The following SLC46A2 variants were observed in gnomAD, a reference collection of about 807,000 sequenced individuals.
SLC46A2 encodes solute carrier family 46 member 2, also known as thymic stromal co-transporter.
In SLC46A2, 25 loss-of-function variants were observed where a neutral mutation model predicts 33.1. That is an observed-to-expected ratio of 0.76 (90% CI 0.55 to 1.06). SLC46A2 has a LOEUF of 1.06. Among genes scored for constraint, SLC46A2 ranks in the 50% least tolerant of loss-of-function variants. The pLI, the probability that SLC46A2 is intolerant of heterozygous loss-of-function variation, is 0.00. For synonymous variants in SLC46A2, 254 were observed against 275.9 expected, an observed-to-expected ratio of 0.92 and a Z score of 0.79; for missense variants, 622 against 621.7, an observed-to-expected ratio of 1.00 and a Z score of 0.00.
At position 112,879,490 on chromosome 9, in the gene SLC46A2, A is replaced by G; in HGVS notation, c.*272T>C. 1 of 396,150 alleles carries G rather than the reference A, an allele frequency of 2.5e-6. No individual in the cohort carries two copies. Among genetic ancestry groups the G allele is most frequent in the Admixed American group, 3.7e-5 (1 of 27,072 alleles). The allele number at this position is 396,150 out of a possible 1,614,324, so 24.5% of individuals were successfully genotyped here. On this transcript the variant is annotated 3_prime_UTR_variant, in exon 4 of 4. Transcript: ENST00000374228. ...GACTGCTGTGTGCAGCCTGCCTGTA[A>G]CCCTTAAGGTCATGCTCTGCTGTCA...
At chr9:112,886,432 C>A in intron 3 of SLC46A2, 28 bp downstream of exon 3, 3 of 1,612,252 alleles carry the variant, frequency 1.9e-6, no homozygotes, top group Non-Finnish European at 2.5e-6. Flanking sequence ...GGTCCCAGCC[C>A]AAGCAGCAGA....
At chr9:112,889,481 G>A (rs527518235) in intron 1 of SLC46A2, 72 bp downstream of exon 1, 1 of 1,494,910 alleles carries the variant, frequency 6.7e-7, no homozygotes, top group South Asian at 1.3e-5. Flanking sequence ...CCCAGACCAT[G>A]GCATCCCTGG....
intron 3 of SLC46A2, chr9:112,880,592 C>T (rs1451780244): frequency 6.5e-6 from 1 of 153,184 alleles, no homozygotes; most frequent in Non-Finnish European, 1.5e-5. Flanking sequence ...CCCAACCTCC[C>T]TGGTAGGTGG....
At chr9:112,883,898 T>C (rs1255923410) in intron 3 of SLC46A2, among the ~76,000 whole-genome samples, 1 of 152,166 alleles carries the variant, frequency 6.6e-6, no homozygotes, top group Non-Finnish European at 1.5e-5. Context: ...GGTTTCACTA[T>C]GTTGGCCAGG....
Position 112,890,526 on chromosome 9 carries a change from G to A in SLC46A2, c.156C>T (p.Gly52=), listed in dbSNP as rs765008696. The A allele has an allele frequency of 1.1e-5, 18 of 1,613,928 alleles. No homozygotes were observed. Among genetic ancestry groups the A allele is most frequent in the Non-Finnish European group, 1.5e-5 (18 of 1,180,008 alleles). ...ATGGGCTGGCACTGTGGTTGGAGGAGCCTCCGGTTCCGTAGGACGCCTTCA... is the reference window on the plus strand; with the variant it reads ...ATGGGCTGGCACTGTGGTTGGAGGAACCTCCGGTTCCGTAGGACGCCTTCA... ...LVVKASYGTG[G]SSNHSASPSP... Residue 52 remains glycine (G), a synonymous_variant, in exon 1 of 4, where the codon GGC becomes GGT. Transcript: ENST00000374228. The surrounding 1 kb of genome is among the most constrained non-coding windows in gnomAD (Gnocchi z 6.0).
In SLC46A2 at chr9:112,889,640, T is replaced by A. The variant is rs1471255637; in HGVS notation, c.1042A>T (p.Thr348Ser). 6.2e-7 allele frequency: 1 copy of A among 1,614,078 alleles called. No individual in the cohort carries two copies. The highest frequency in any genetic ancestry group is 8.5e-7 in the Non-Finnish European group (1 of 1,180,002). Reference protein sequence around the residue: ...VLVFSRCFRDTTMIMIGMVSF... With the variant: ...VLVFSRCFRDSTMIMIGMVSF... Reference sequence around the variant, plus strand: ...ACCATCCCAATCATGATCATGGTGGTGTCCCGAAAGCAGCGGGAGAAGACC... The same window carrying A: ...ACCATCCCAATCATGATCATGGTGGAGTCCCGAAAGCAGCGGGAGAAGACC... Residue 348 changes from threonine (T) to serine (S), a missense_variant, in exon 1 of 4, where the codon ACC becomes TCC. Coordinates refer to ENST00000374228, the MANE Select transcript of SLC46A2 (RefSeq NM_033051.4).
intron 3 of SLC46A2, among the ~76,000 whole-genome samples, chr9:112,882,733 C>T (rs964521612): frequency 5.9e-5 from 9 of 151,608 alleles, no homozygotes; most frequent in South Asian, 2.1e-4. Context: ...TGGGTGGTGC[C>T]GCCGTTTAAT....
At position 112,889,874 on chromosome 9, in the gene SLC46A2, G is replaced by T; in HGVS notation, c.808C>A (p.Pro270Thr). The T allele has an allele frequency of 6.2e-7, 1 of 1,614,214 alleles. No homozygotes were observed. Among genetic ancestry groups the T allele is most frequent in the Non-Finnish European group, 8.5e-7 (1 of 1,180,044 alleles). Residue 270 changes from proline (P) to threonine (T), a missense_variant, in exon 1 of 4, where the codon CCT becomes ACT. Coordinates refer to ENST00000374228, the MANE Select transcript of SLC46A2 (RefSeq NM_033051.4). Reference protein sequence around the residue: ...QLDQQYAVGHPPSPGKAKPHK... With the variant: ...QLDQQYAVGHTPSPGKAKPHK... ...GGTTTTGCTTTTCCAGGAGATGGAG[G>T]GTGCCCCACTGCATACTGTTGGTCC...
chr9:112,886,941 C>A (rs1480535102), intron 2 of SLC46A2, among the ~76,000 whole-genome samples: 1 of 152,116 alleles, frequency 6.6e-6, no homozygotes, highest in Non-Finnish European at 1.5e-5. Context: ...GTTGTCCAGG[C>A]TGGTCTTGAA....
At chr9:112,883,858 C>T (rs897226355) in intron 3 of SLC46A2, among the ~76,000 whole-genome samples, 7 of 151,916 alleles carry the variant, frequency 4.6e-5, no homozygotes, top group East Asian at 1.9e-4. Context: ...TTGCCAAGCC[C>T]GGCTAATTTT....
chr9:112,882,749 C>G (rs1018637214), intron 3 of SLC46A2, among the ~76,000 whole-genome samples: 1 of 151,996 alleles, frequency 6.6e-6, no homozygotes, highest in African/African-American at 2.4e-5. Context: ...TTAATGAGAT[C>G]ATGAGATTGG....
Position 112,889,877 on chromosome 9 carries a change from G to C in SLC46A2, c.805C>G (p.His269Asp), listed in dbSNP as rs1239264340. 1 of 1,614,246 alleles carries C rather than the reference G, an allele frequency of 6.2e-7. No homozygotes were observed. The highest frequency in any genetic ancestry group is 1.7e-5 in the Admixed American group (1 of 60,036). ...DQLDQQYAVG[H>D]PPSPGKAKPH... ...TTTGCTTTTCCAGGAGATGGAGGGT[G>C]CCCCACTGCATACTGTTGGTCCAAC... Residue 269 changes from histidine to aspartate, a missense_variant, in exon 1 of 4, where the codon CAC becomes GAC. By Grantham distance (81) the His-to-Asp change is moderately conservative. Transcript: ENST00000374228.
Position 112,890,261 on chromosome 9 carries a change from C to G in SLC46A2, c.421G>C (p.Ala141Pro), listed in dbSNP as rs767659740. Residue 141 changes from alanine (A) to proline (P), a missense_variant, in exon 1 of 4, where the codon GCG (alanine) becomes CCG (proline). Coordinates refer to ENST00000374228, the MANE Select transcript of SLC46A2 (RefSeq NM_033051.4). The surrounding 1 kb of genome is among the most constrained non-coding windows in gnomAD (Gnocchi z 6.0). ...WPVEVLYGAA[A>P]LNGLFGGFSA... ...AAGCCGCCGAATAGCCCGTTCAGCG[C>G]CGCCGCCCCGTACAGCACCTCCACT... The G allele has an allele frequency of 6.2e-7, 1 of 1,613,340 alleles. No homozygotes were observed. Among genetic ancestry groups the G allele is most frequent in the East Asian group, 2.2e-5 (1 of 44,890 alleles).
rs766941228 is a variant in SLC46A2, at chr9:112,887,384, G to A, written c.1159C>T (p.Pro387Ser). 7 of 1,611,540 alleles carry A rather than the reference G, an allele frequency of 4.3e-6. No individual in the cohort carries two copies. The South Asian group carries it at 7.7e-5, about 18-fold the overall frequency. The part of the protein sequence containing the change: ...ARAVMLFALI[P>S]VTTIRSAMSK... ...ATAGCTGATCGGATGGTTGTGACGG[G>A]GATGAGAGCAAACAGCATGACGGCT... The change falls in exon 2 of 4, where the codon CCC becomes TCC. Residue 387 changes from proline to serine, a missense_variant. By Grantham distance (74) the Pro-to-Ser change is moderately conservative. Coordinates refer to ENST00000374228, the MANE Select transcript of SLC46A2 (RefSeq NM_033051.4).
intron 3 of SLC46A2, among the ~76,000 whole-genome samples, chr9:112,883,696 TTTTC>T (rs1375112131): frequency 2.1e-5 from 2 of 96,114 alleles, no homozygotes; most frequent in Admixed American, 1.5e-4. Context: ...TTCTTTTTTC[TTTTC>T]TTTTTTTTTT....
At position 112,890,008 on chromosome 9, in the gene SLC46A2, A is replaced by G; in HGVS notation, c.674T>C (p.Leu225Ser). The G allele has an allele frequency of 6.2e-7, 1 of 1,614,140 alleles. No individual in the cohort carries two copies. Among genetic ancestry groups the G allele is most frequent in the Non-Finnish European group, 8.5e-7 (1 of 1,180,012 alleles). The change falls in exon 1 of 4, where the codon TTG (leucine) becomes TCG (serine). Residue 225 changes from leucine (L) to serine (S), a missense_variant. Leu to Ser is a moderately radical substitution (Grantham distance 145). Coordinates refer to ENST00000374228, the MANE Select transcript of SLC46A2 (RefSeq NM_033051.4). The surrounding 1 kb of genome is among the most constrained non-coding windows in gnomAD (Gnocchi z 6.0). ...CASFALLYSL[L>S]VLKVPESVAK... ...CACCGACTCAGGGACCTTTAGCACC[A>G]AAAGGCTGTAGAGCAGGGCAAACGA...
intron 3 of SLC46A2, among the ~76,000 whole-genome samples, chr9:112,885,985 G>A (rs1841637897): frequency 1.3e-5 from 2 of 152,214 alleles, no homozygotes; most frequent in Admixed American, 1.3e-4. Flanking sequence ...GGAATTGTCT[G>A]AGGCCCTGTC....
intron 1 of SLC46A2, 74 bp from the exon 2 acceptor site, chr9:112,887,487 T>C: frequency 7.4e-7 from 1 of 1,352,214 alleles, no homozygotes; most frequent in Middle Eastern, 2.0e-4. Flanking sequence ...CAAAAGCCTC[T>C]CTTAGAACCC....
rs554263345 is a variant in SLC46A2 at position 112,887,162 on chromosome 9, T to C, written c.1213+168A>G. ...AGTGCCTGACTTTCTAAGTCACTCC[T>C]ATACCCGTCTCCACTCTCTGTGCCC... On this transcript the variant is annotated intron_variant, in intron 2 of 3. Transcript: ENST00000374228. Among the ~76,000 whole-genome samples the C allele has an allele frequency of 5.9e-5, 9 of 152,344 alleles. No individual in the cohort carries two copies. In the South Asian group the frequency reaches 1.0e-3, roughly 18 times the overall value.
Sources: allele counts gnomAD v4.1 joint callset (sites outside exome capture counted in the v4.1 genomes callset), GRCh38; gene constraint gnomAD v4.1.1; non-coding constraint Gnocchi (gnomAD v3.1); transcripts MANE v1.5; gene names NCBI Gene and HGNC (gene_info 2026-07-23, HGNC 2026-07-21).